The following PNPLA8 variants were observed in gnomAD, a reference collection of about 807,000 sequenced individuals.
PNPLA8 encodes calcium-independent phospholipase A2-gamma.
Under a neutral mutation model 76.9 loss-of-function variants are expected in PNPLA8, and 39 were observed. That is an observed-to-expected ratio of 0.51 (90% CI 0.39 to 0.66). The LOEUF (loss-of-function observed/expected upper bound fraction) is 0.66, where lower values mean the gene tolerates loss of function less well. PNPLA8 is among the 30% of genes least tolerant of loss of function. PNPLA8 has a pLI of 0.00. For synonymous variants in PNPLA8, 301 were observed against 307.9 expected (o/e 0.98, Z 0.24); for missense variants, 887 against 918.0 (o/e 0.97, Z 0.44).
At chr7:108,477,094 T>C (rs1860054487) in intron 10 of PNPLA8, among the ~76,000 whole-genome samples, 1 of 152,164 alleles carries the variant, frequency 6.6e-6, no homozygotes, top group African/African-American at 2.4e-5. Flanking sequence ...ATGTATTAAG[T>C]TTTGTTTACT....
At chr7:108,502,189 T>C (rs1862000247) in intron 5 of PNPLA8, among the ~76,000 whole-genome samples, 1 of 151,786 alleles carries the variant, frequency 6.6e-6, no homozygotes, top group Non-Finnish European at 1.5e-5. Flanking sequence ...GCGCCTGTAA[T>C]CCTAGCACTT....
At chr7:108,526,540 C>T (rs1864101314), upstream of PNPLA8, among the ~76,000 whole-genome samples, 1 of 152,220 alleles carries the variant, frequency 6.6e-6, no homozygotes, top group Non-Finnish European at 1.5e-5. Context: ...AAGCCTCCCT[C>T]TCCGCGTCCC....
At chr7:108,500,924 A>AG (rs1385429780) in intron 5 of PNPLA8, among the ~76,000 whole-genome samples, 7 of 152,050 alleles carry the variant, frequency 4.6e-5, no homozygotes, top group Non-Finnish European at 1.0e-4. Context: ...CAAAAAAAAA[A>AG]AAGTTACTGG....
intron 2 of PNPLA8, among the ~76,000 whole-genome samples, chr7:108,517,748 A>G (rs113056922): frequency 2.1e-3 from 322 of 152,240 alleles, no homozygotes; most frequent in African/African-American, 7.0e-3. Context: ...GAGCTTACAT[A>G]TATATGTAAT....
intron 9 of PNPLA8, among the ~76,000 whole-genome samples, chr7:108,484,745 T>G (rs1379478730): frequency 1.3e-5 from 2 of 152,226 alleles, no homozygotes; most frequent in Non-Finnish European, 1.5e-5. Flanking sequence ...ATTAAATTTT[T>G]ACCTCATTCT....
At chr7:108,499,952 A>G (rs1861821681) in intron 5 of PNPLA8, among the ~76,000 whole-genome samples, 1 of 152,338 alleles carries the variant, frequency 6.6e-6, no homozygotes, top group South Asian at 2.1e-4. Context: ...TTTAAAAAGA[A>G]GTCTTGGTCC....
intron 10 of PNPLA8, among the ~76,000 whole-genome samples, chr7:108,473,968 A>G (rs946429351): frequency 2.0e-5 from 3 of 152,330 alleles, no homozygotes; most frequent in African/African-American, 7.2e-5. Flanking sequence ...CTGGGATTAC[A>G]GGTGTGAACC....
chr7:108,497,907 T>C (rs2154515669), intron 5 of PNPLA8, among the ~76,000 whole-genome samples: 1 of 151,282 alleles, frequency 6.6e-6, no homozygotes, highest in East Asian at 1.9e-4. Flanking sequence ...CTCATTCTTG[T>C]AATCCCAGCG....
rs1215094605 is a variant in PNPLA8, at chr7:108,514,615, GAGAA to G, written c.873_876del (p.Ser292ValfsTer9). The G allele has an allele frequency of 1.3e-5, 21 of 1,613,814 alleles. No individual in the cohort carries two copies. The highest frequency in any genetic ancestry group is 1.7e-5 in the Non-Finnish European group (20 of 1,179,872). On this transcript the variant is annotated frameshift_variant, in exon 3 of 11. Transcript: ENST00000257694. LOFTEE classifies it high-confidence loss of function. ...AAAGCTTGTACACCTTCCGTGGGAC[GAGAA>G]AGAAAGTTAGCAATACTTTGTTTAG...
intron 9 of PNPLA8, among the ~76,000 whole-genome samples, chr7:108,481,088 C>G (rs553640184): frequency 6.6e-6 from 1 of 152,134 alleles, no homozygotes; most frequent in Non-Finnish European, 1.5e-5. Context: ...ATGGATGTAC[C>G]ACACAGTTCA....
At position 108,515,140 on chromosome 7, in the gene PNPLA8, T is replaced by A. The variant is rs1160223775; in HGVS notation, c.352A>T (p.Asn118Tyr). ...LNSVSKAVFGNQNEMISRLAQ... is the reference protein window; with the variant it reads ...LNSVSKAVFGYQNEMISRLAQ... ...AAACGTGAAATCATTTCATTTTGAT[T>A]GCCAAAAACAGCCTTTGAAACAGAG... The change falls in exon 3 of 11, where the codon AAT becomes TAT. Residue 118 changes from asparagine (N) to tyrosine (Y), a missense_variant. Physicochemically the swap from Asn to Tyr is moderately radical, Grantham distance 143. Coordinates refer to ENST00000257694, the MANE Select transcript of PNPLA8 (RefSeq NM_001256007.3). 3 of 1,605,284 alleles carry A rather than the reference T, an allele frequency of 1.9e-6. No homozygotes were observed. In the African/African-American group the frequency reaches 4.0e-5, roughly 22 times the overall value.
intron 2 of PNPLA8, among the ~76,000 whole-genome samples, chr7:108,517,546 T>C (rs1863427633): frequency 6.6e-6 from 1 of 152,206 alleles, no homozygotes; most frequent in Admixed American, 6.5e-5. Context: ...TACATCAATA[T>C]ACGGTATGTG....
In PNPLA8 at chr7:108,472,361, T is replaced by G; in HGVS notation, c.*40A>C. The G allele has an allele frequency of 7.1e-7, 1 of 1,411,968 alleles. No individual in the cohort carries two copies. The highest frequency in any genetic ancestry group is 2.3e-5 in the East Asian group (1 of 43,274). 87.5% of individuals were successfully genotyped at this position (1,411,968 alleles called of 1,614,324 possible). A position where few individuals can be genotyped will look rare whatever the true frequency, so the allele number is the denominator to read the frequency against. On this transcript the variant is annotated 3_prime_UTR_variant, in exon 11 of 11. Transcript: ENST00000257694. ...TCCTTATTGAATGTGGTTGATCTTC[T>G]AAACAGACCTTCATTTATGAGAACA...
At chr7:108,524,837 CTA>C (rs774220958) in intron 1 of PNPLA8, among the ~76,000 whole-genome samples, 29 of 152,108 alleles carry the variant, frequency 1.9e-4, no homozygotes, top group Non-Finnish European at 3.7e-4. Flanking sequence ...AGGAAGGTGT[CTA>C]TGGCTCAGCA....
At chr7:108,507,559 T>C (rs1862550244) in intron 4 of PNPLA8, among the ~76,000 whole-genome samples, 1 of 151,946 alleles carries the variant, frequency 6.6e-6, no homozygotes, top group Admixed American at 6.6e-5. Context: ...GAGGCTGAGC[T>C]GGGCTGAACC....
chr7:108,505,326 A>G (rs1598932475), intron 4 of PNPLA8, among the ~76,000 whole-genome samples: 1 of 5,372 alleles, frequency 1.9e-4, no homozygotes, highest in Non-Finnish European at 3.1e-4. Context: ...ATATATATAT[A>G]TATATATATA....
rs67049113 is a variant in PNPLA8 at position 108,471,213 on chromosome 7, C to CTTTTTTT, written c.*1181_*1187dup. The CTTTTTTT allele has an allele frequency of 8.3e-6, 1 of 120,154 alleles. No individual in the cohort carries two copies. The highest frequency in any genetic ancestry group is 1.7e-5 in the Non-Finnish European group (1 of 57,902). 7.4% of individuals were successfully genotyped at this position (120,154 alleles called of 1,614,324 possible). A position where few individuals can be genotyped will look rare whatever the true frequency, so the allele number is the denominator to read the frequency against. On this transcript the variant is annotated 3_prime_UTR_variant, in exon 11 of 11. Transcript: ENST00000257694. ...TAAGGTAAAACAAGCCTAACTTCTT[C>CTTTTTTT]TTTTTTTTTTTTTTTTTTTTGAGAT...
chr7:108,507,630 A>G (rs939509990), intron 4 of PNPLA8, among the ~76,000 whole-genome samples: 1 of 152,094 alleles, frequency 6.6e-6, no homozygotes, highest in Non-Finnish European at 1.5e-5. Context: ...TGGGTGACAG[A>G]GACTCTGTCT....
chr7:108,502,713 C>T lies in PNPLA8; in HGVS notation c.1207-71G>A, dbSNP rs187844755. The T allele has an allele frequency of 8.3e-6, 9 of 1,079,786 alleles. No individual in the cohort carries two copies. The Admixed American group carries it at 1.2e-4, about 15-fold the overall frequency. 66.9% of individuals were successfully genotyped at this position (1,079,786 alleles called of 1,614,324 possible). The stretch of plus-strand genomic sequence containing the variant: ...CTGAAAATGTATGATTATTATTAAC[C>T]AATACATGCAGTTCACCACATGACA... On this transcript the variant is annotated intron_variant, in intron 4 of 10. Coordinates refer to ENST00000257694, the MANE Select transcript of PNPLA8 (RefSeq NM_001256007.3).
Sources: gnomAD v4.1 joint callset for allele counts (sites outside exome capture counted in the v4.1 genomes callset) on GRCh38, gnomAD v4.1.1 for gene constraint, MANE v1.5 for transcripts, NCBI Gene and HGNC (gene_info 2026-07-23, HGNC 2026-07-21) for gene names.